OSBPL5: variants seen among roughly 807,000 people sequenced by gnomAD.
The protein encoded by OSBPL5 is oxysterol binding protein like 5.
OSBPL5 carries 71 observed loss-of-function variants against 111.2 expected under a neutral mutation model. That is an observed-to-expected ratio of 0.64 (90% CI 0.53 to 0.78). The LOEUF (loss-of-function observed/expected upper bound fraction) is 0.78, where lower values mean the gene tolerates loss of function less well. OSBPL5 is among the 30% of genes least tolerant of loss of function. The pLI, the probability that OSBPL5 is intolerant of heterozygous loss-of-function variation, is 0.00. For missense variants in OSBPL5, 1,210 were observed against 1,189.3 expected (o/e 1.02, Z -0.26); for synonymous variants, 549 against 513.9 (o/e 1.07, Z -0.93).
chr11:3,092,411 T>A lies in OSBPL5; in HGVS notation c.2259+21A>T. 6.4e-7 allele frequency: 1 copy of A among 1,559,966 alleles called. No homozygotes were observed. Among genetic ancestry groups the A allele is most frequent in the Non-Finnish European group, 8.7e-7 (1 of 1,150,246 alleles). On this transcript the variant is annotated intron_variant, in intron 19 of 21. Coordinates refer to ENST00000263650, the MANE Select transcript of OSBPL5 (RefSeq NM_020896.4). The surrounding 1 kb of genome is among the most constrained non-coding windows in gnomAD (Gnocchi z 5.4). ...ACGTGCAGCTAAGACCAGCCCTGGG[T>A]GGGGCCTGTGGGGTGCTGACCTCGT...
At chr11:3,116,028 A>T (rs1346661244) in intron 7 of OSBPL5, among the ~76,000 whole-genome samples, 1 of 152,188 alleles carries the variant, frequency 6.6e-6, no homozygotes, top group Admixed American at 6.5e-5. Flanking sequence ...GTCTTTTTCT[A>T]ACCTAATCCT....
At chr11:3,102,689 A>C (rs1484467851) in intron 11 of OSBPL5, among the ~76,000 whole-genome samples, 2 of 151,998 alleles carry the variant, frequency 1.3e-5, no homozygotes, top group Non-Finnish European at 2.9e-5. Flanking sequence ...CAGTTTCCCC[A>C]TCTGCACAAT....
At chr11:3,132,782 A>T (rs951948388) in intron 1 of OSBPL5, among the ~76,000 whole-genome samples, 3 of 152,142 alleles carry the variant, frequency 2.0e-5, no homozygotes, top group Non-Finnish European at 2.9e-5. Context: ...TCCACATTGC[A>T]CTTCTTTGTT....
At chr11:3,099,189 C>T (rs952345367) in intron 14 of OSBPL5, among the ~76,000 whole-genome samples, 7 of 152,158 alleles carry the variant, frequency 4.6e-5, no homozygotes, top group African/African-American at 9.7e-5. Flanking sequence ...CATGACATTC[C>T]GGAAAAAGCC....
Position 3,129,134 on chromosome 11 carries a change from G to A in OSBPL5, c.15C>T (p.Ala5=). The change falls in exon 2 of 22, where the codon GCC becomes GCT. Residue 5 remains alanine (A), a synonymous_variant. Transcript: ENST00000263650. ...ACAGGGAGAAGCGGCGCCGGAGGAA[G>A]GCCTCCTCCTTCATGCTGTGGGCGC... MKEE[A]FLRRRFSLCP... 6.8e-7 allele frequency: 1 copy of A among 1,477,944 alleles called. No homozygotes were observed. The allele number at this position is 1,477,944 out of a possible 1,614,324, so 91.6% of individuals were successfully genotyped here. A position where few individuals can be genotyped will look rare whatever the true frequency, so the allele number is the denominator to read the frequency against.
At chr11:3,153,485 G>A (rs940461413) in intron 1 of OSBPL5, among the ~76,000 whole-genome samples, 1 of 152,168 alleles carries the variant, frequency 6.6e-6, no homozygotes, top group Non-Finnish European at 1.5e-5. Flanking sequence ...GCCTGAAGAT[G>A]TGGCTGCCTG....
intron 21 of OSBPL5, 110 bp downstream of exon 21, chr11:3,089,736 T>A: frequency 1.0e-6 from 1 of 998,874 alleles, no homozygotes; most frequent in Admixed American, 2.1e-5. Context: ...CCAGCTCCGA[T>A]GACAACCCCA....
At position 3,095,354 on chromosome 11, in the gene OSBPL5, C is replaced by T. The variant is rs147871435; in HGVS notation, c.1622-1020G>A. Among the ~76,000 whole-genome samples the T allele has an allele frequency of 5.9e-3, 897 of 151,220 alleles. 8 individuals carry two copies. Among genetic ancestry groups the T allele is most frequent in the African/African-American group, 0.02 (844 of 41,184 alleles). ...GAAAAGAAAAGAAAGAAAAGCAAAG[C>T]AGGTCTGACCTCCAGATTGTGATCA... On this transcript the variant is annotated intron_variant, in intron 14 of 21. Coordinates refer to ENST00000263650, the MANE Select transcript of OSBPL5 (RefSeq NM_020896.4).
intron 14 of OSBPL5, 62 bp downstream of exon 14, chr11:3,100,096 A>G: frequency 2.1e-6 from 3 of 1,455,734 alleles, no homozygotes; most frequent in Non-Finnish European, 2.9e-6. Flanking sequence ...AAAGGGTTTT[A>G]GCATCTAGCT....
chr11:3,137,743 A>G (rs1006063385), intron 1 of OSBPL5, among the ~76,000 whole-genome samples: 2 of 152,190 alleles, frequency 1.3e-5, no homozygotes, highest in Non-Finnish European at 2.9e-5. Flanking sequence ...TGGGAGGTCG[A>G]GGCTGCTATG....
intron 1 of OSBPL5, among the ~76,000 whole-genome samples, chr11:3,152,664 A>G (rs1203844079): frequency 6.6e-6 from 1 of 152,208 alleles, no homozygotes; most frequent in Non-Finnish European, 1.5e-5. Flanking sequence ...TCTATCCTGA[A>G]AGGGCACCTA....
chr11:3,099,131 G>A (rs892982106), intron 14 of OSBPL5, among the ~76,000 whole-genome samples: 1 of 152,202 alleles, frequency 6.6e-6, no homozygotes, highest in Non-Finnish European at 1.5e-5. Context: ...ATATTGCCAA[G>A]TGAAAGACGC....
rs985042251 is a variant in OSBPL5 at position 3,142,120 on chromosome 11, T to G, written c.-21-12951A>C. Among the ~76,000 whole-genome samples, 1 of 152,236 alleles carries G rather than the reference T, an allele frequency of 6.6e-6. No homozygotes were observed. Among genetic ancestry groups the G allele is most frequent in the African/African-American group, 2.4e-5 (1 of 41,472 alleles). On this transcript the variant is annotated intron_variant, in intron 1 of 21. Coordinates refer to ENST00000263650, the MANE Select transcript of OSBPL5 (RefSeq NM_020896.4). The surrounding 1 kb of genome is among the most constrained non-coding windows in gnomAD (Gnocchi z 7.1). ...TTTCAGTAGAGACATGGTTTCACCA[T>G]GTTGGCCAGGCTGGTCTCCAACTCC...
At chr11:3,127,776 G>A (rs1052415373) in intron 2 of OSBPL5, among the ~76,000 whole-genome samples, 4 of 152,034 alleles carry the variant, frequency 2.6e-5, no homozygotes, top group African/African-American at 4.8e-5. Context: ...GGGATAGGGT[G>A]CAGGTGCCCT....
chr11:3,092,582 T>A lies in OSBPL5; in HGVS notation c.2133-24A>T. 6.4e-7 allele frequency: 1 copy of A among 1,565,140 alleles called. No homozygotes were observed. The highest frequency in any genetic ancestry group is 8.7e-7 in the Non-Finnish European group (1 of 1,152,878). On this transcript the variant is annotated intron_variant, in intron 18 of 21. Coordinates refer to ENST00000263650, the MANE Select transcript of OSBPL5 (RefSeq NM_020896.4). The surrounding 1 kb of genome is among the most constrained non-coding windows in gnomAD (Gnocchi z 5.4). ...GGCTGGAGGGTCCAGAGGGCGTTCA[T>A]CAGCACAGGCAGTGGCCCTCAGGTG...
intron 1 of OSBPL5, among the ~76,000 whole-genome samples, chr11:3,147,345 G>A (rs1435265947): frequency 1.3e-5 from 2 of 152,240 alleles, no homozygotes; most frequent in African/African-American, 4.8e-5. Context: ...CCTGGGCACG[G>A]CTCCTGCCTC....
intron 13 of OSBPL5, among the ~76,000 whole-genome samples, chr11:3,101,274 C>CCT (rs55729945): frequency 1 from 152,183 of 152,196 alleles, 76,085 homozygotes; most frequent in Middle Eastern, 1. Context: ...CATGCTTTGA[C>CCT]TAAGTTTCAT....
chr11:3,111,814 C>A (rs1205682099), intron 7 of OSBPL5, among the ~76,000 whole-genome samples: 1 of 152,184 alleles, frequency 6.6e-6, no homozygotes, highest in Non-Finnish European at 1.5e-5. Context: ...CTAGCTAGGC[C>A]AAACTGAAAG....
chr11:3,097,940 C>T (rs552771385), intron 14 of OSBPL5, among the ~76,000 whole-genome samples: 337 of 152,120 alleles, frequency 2.2e-3, no homozygotes, highest in African/African-American at 5.1e-3. Flanking sequence ...TGGTGGCGGG[C>T]GCCTGTAGTC....
Sources: allele counts gnomAD v4.1 joint callset (sites outside exome capture counted in the v4.1 genomes callset), GRCh38; gene constraint gnomAD v4.1.1; non-coding constraint Gnocchi (gnomAD v3.1); transcripts MANE v1.5; gene names NCBI Gene and HGNC (gene_info 2026-07-23, HGNC 2026-07-21).